Variants in CUBN observed in about 807,000 individuals in gnomAD.
CUBN encodes cubilin, also known as 460 kDa receptor.
A neutral mutation model predicts 405.3 loss-of-function variants in CUBN; 282 were observed. The observed-to-expected ratio is 0.70, with a 90% CI of 0.63 to 0.77. CUBN has a LOEUF of 0.77. Among genes scored for constraint, CUBN ranks in the 30% least tolerant of loss-of-function variants. CUBN has a pLI of 0.00. For missense variants in CUBN, 4,514 were observed against 4,475.2 expected, an observed-to-expected ratio of 1.01 and a Z score of -0.25; for synonymous variants, 1,684 against 1,617.0, an observed-to-expected ratio of 1.04 and a Z score of -0.99.
rs1873469 is a variant in CUBN at position 17,045,157 on chromosome 10, G to A, written c.3522C>T (p.Gly1174=). 0.021 allele frequency: 33,141 copies of A among 1,613,638 alleles called. 3,284 individuals are homozygous for A. In the African/African-American group the frequency reaches 0.28, roughly 14 times the overall value. The change falls in exon 25 of 67, where the codon GGC becomes GGT. Residue 1174 remains glycine, a synonymous_variant. Transcript: ENST00000377833. ...TCGGGTAGTTGGGAGATATGAACGTGCCGCTTGAAGTGGTGAGATTACCCC... is the reference window on the plus strand; with the variant it reads ...TCGGGTAGTTGGGAGATATGAACGTACCGCTTGAAGTGGTGAGATTACCCC... ...GCGGNLTTSS[G]TFISPNYPMP...
At chr10:17,033,556 C>T (rs1422504143) in intron 27 of CUBN, among the ~76,000 whole-genome samples, 1 of 152,118 alleles carries the variant, frequency 6.6e-6, no homozygotes, top group Non-Finnish European at 1.5e-5. Context: ...GAGGAAATAC[C>T]ACAGCAAACG....
intron 8 of CUBN, among the ~76,000 whole-genome samples, 170 bp from the exon 9 acceptor site, chr10:17,111,220 T>A (rs1350652878): frequency 3.3e-5 from 5 of 152,210 alleles, no homozygotes; most frequent in African/African-American, 7.2e-5. Context: ...AATCAAATTC[T>A]GACAACAAAG....
At chr10:17,115,794 A>C (rs185561798) in intron 6 of CUBN, among the ~76,000 whole-genome samples, 197 bp from the exon 7 acceptor site, 1 of 152,368 alleles carries the variant, frequency 6.6e-6, no homozygotes, top group Admixed American at 6.5e-5. Context: ...GATTGAGTAA[A>C]TACAATGTTG....
intron 28 of CUBN, among the ~76,000 whole-genome samples, chr10:16,993,236 G>A (rs1483915635): frequency 1.3e-5 from 2 of 152,166 alleles, no homozygotes; most frequent in African/African-American, 2.4e-5. Context: ...ATGGCCACAT[G>A]ATATAAAAGA....
chr10:17,046,302 A>G (rs1024576839), intron 23 of CUBN, among the ~76,000 whole-genome samples: 8 of 152,208 alleles, frequency 5.3e-5, no homozygotes, highest in Non-Finnish European at 8.8e-5. Context: ...AAGAATAACC[A>G]TCATTCATAG....
chr10:17,122,967 G>T, intron 5 of CUBN, 69 bp from the exon 6 acceptor site: 1 of 1,060,494 alleles, frequency 9.4e-7, no homozygotes, highest in Non-Finnish European at 1.5e-6. Context: ...ACATTCACAT[G>T]ATACGTTTAA....
At chr10:17,117,193 T>G (rs11254375) in intron 6 of CUBN, among the ~76,000 whole-genome samples, 44,222 of 151,440 alleles carry the variant, frequency 0.29, 6,769 homozygotes, top group African/African-American at 0.33. Context: ...CTTTCCTCTT[T>G]GTCCTCCCAT....
chr10:17,018,206 C>A (rs1016652826), intron 28 of CUBN, among the ~76,000 whole-genome samples: 9 of 152,098 alleles, frequency 5.9e-5, no homozygotes, highest in African/African-American at 1.4e-4. Context: ...CGGTATATAG[C>A]CCCCAAATTC....
rs144560387 is a variant in CUBN, at chr10:16,862,160, T to TCTCTCTCACACACACACA, written c.9454+7475_9454+7476insTGTGTGTGTGTGAGAGAG. Among the ~76,000 whole-genome samples, 385 of 131,192 alleles carry TCTCTCTCACACACACACA rather than the reference T, an allele frequency of 2.9e-3. 2 individuals are homozygous for TCTCTCTCACACACACACA. The highest frequency in any genetic ancestry group is 0.012 in the African/African-American group (363 of 30,766). The allele number at this position is 131,192 out of a possible 152,430, so 86.1% of individuals were successfully genotyped here. A position where few individuals can be genotyped will look rare whatever the true frequency, so the allele number is the denominator to read the frequency against. On this transcript the variant is annotated intron_variant, in intron 59 of 66. Coordinates refer to ENST00000377833, the MANE Select transcript of CUBN (RefSeq NM_001081.4). ...GAGACTCCGTCTCTCTCTCTCTCTCTCACACACACACACACACACACACAC... is the reference window on the plus strand; with the variant it reads ...GAGACTCCGTCTCTCTCTCTCTCTCTCTCTCTCACACACACACACACACACACACACACACACACACAC...
chr10:16,982,539 C>A lies in CUBN; in HGVS notation c.4640G>T (p.Arg1547Leu). 1 of 1,613,754 alleles carries A rather than the reference C, an allele frequency of 6.2e-7. No homozygotes were observed. Residue 1547 changes from arginine (R) to leucine (L), a missense_variant, in exon 31 of 67, where the codon CGT (arginine) becomes CTT (leucine). By Grantham distance (102) the Arg-to-Leu change is moderately radical. Around this residue, in one of 5 missense-constraint regions of CUBN, gnomAD observed 1,613 missense variants for 1,542.8 expected, o/e 1.05. Coordinates refer to ENST00000377833, the MANE Select transcript of CUBN (RefSeq NM_001081.4). ...SWVIRVDRNH[R>L]VLLNFTDFDL... Reference sequence around the variant, plus strand: ...AAAGTCAGTGAAGTTCAAGAGAACACGATGATTTCTGTCAACCCGAATGAC... The same window carrying A: ...AAAGTCAGTGAAGTTCAAGAGAACAAGATGATTTCTGTCAACCCGAATGAC...
intron 36 of CUBN, among the ~76,000 whole-genome samples, chr10:16,944,472 T>G (rs961225719): frequency 3.9e-5 from 6 of 152,194 alleles, no homozygotes; most frequent in Non-Finnish European, 8.8e-5. Context: ...CAGCCCCATG[T>G]TTTAGAACTT....
chr10:16,894,776 T>C (rs557497036), intron 54 of CUBN, among the ~76,000 whole-genome samples: 4 of 152,312 alleles, frequency 2.6e-5, no homozygotes, highest in African/African-American at 9.6e-5. Flanking sequence ...AACCTATCCA[T>C]CATTTTGGGG....
intron 12 of CUBN, among the ~76,000 whole-genome samples, chr10:17,103,761 G>C (rs1432245549): frequency 6.6e-6 from 1 of 152,228 alleles, no homozygotes; most frequent in East Asian, 1.9e-4. Flanking sequence ...CTTTATGGAA[G>C]AAGTTGAGAG....
intron 15 of CUBN, among the ~76,000 whole-genome samples, chr10:17,087,183 C>T (rs1836128475): frequency 6.6e-6 from 1 of 152,168 alleles, no homozygotes; most frequent in South Asian, 2.1e-4. Context: ...GTCTTTTTCA[C>T]ACTGCTGCAA....
intron 51 of CUBN, among the ~76,000 whole-genome samples, chr10:16,903,065 C>G (rs528155789): frequency 2.6e-5 from 4 of 152,128 alleles, no homozygotes; most frequent in African/African-American, 9.7e-5. Context: ...GCAAATAATA[C>G]CCATTATATG....
chr10:17,021,654 AT>A (rs1206558780), intron 27 of CUBN, among the ~76,000 whole-genome samples: 2 of 152,232 alleles, frequency 1.3e-5, no homozygotes, highest in Admixed American at 6.5e-5. Flanking sequence ...TTGAAAAAAA[AT>A]GTTATGACAT....
chr10:17,002,858 C>A (rs1214529122), intron 28 of CUBN, among the ~76,000 whole-genome samples: 1 of 152,170 alleles, frequency 6.6e-6, no homozygotes, highest in African/African-American at 2.4e-5. Flanking sequence ...TTAAGAATTT[C>A]TTTGCAGAAA....
In CUBN at chr10:16,874,396, C is replaced by T. The variant is rs371144749; in HGVS notation, c.9214G>A (p.Asp3072Asn). The T allele has an allele frequency of 1.9e-6, 3 of 1,614,146 alleles. No individual in the cohort carries two copies. Among genetic ancestry groups the T allele is most frequent in the East Asian group, 2.2e-5 (1 of 44,882 alleles). Residue 3072 changes from aspartate (D) to asparagine (N), a missense_variant, in exon 58 of 67, where the codon GAC (aspartate) becomes AAC (asparagine). Coordinates refer to ENST00000377833, the MANE Select transcript of CUBN (RefSeq NM_001081.4). ...MHCLYTITVS[D>N]DKVIELKFSD... Reference sequence around the variant, plus strand: ...TACTTGAGCTCGATCACCTTGTCGTCACTAACGGTGATGGTATACAGACAG... The same window carrying T: ...TACTTGAGCTCGATCACCTTGTCGTTACTAACGGTGATGGTATACAGACAG...
intron 31 of CUBN, among the ~76,000 whole-genome samples, chr10:16,972,383 T>C (rs139622441): frequency 6.6e-6 from 1 of 152,128 alleles, no homozygotes; most frequent in African/African-American, 2.4e-5. Context: ...CCCAAAAGTT[T>C]ACAAGTCAAA....
Sources: gnomAD v4.1 joint callset for allele counts (sites outside exome capture counted in the v4.1 genomes callset) on GRCh38, gnomAD v4.1.1 for gene constraint, gnomAD v4.1.1 regional missense constraint, MANE v1.5 for transcripts, NCBI Gene and HGNC (gene_info 2026-07-23, HGNC 2026-07-21) for gene names.